FLT1: variants seen among roughly 807,000 people sequenced by gnomAD.
FLT1 encodes the protein fms related receptor tyrosine kinase 1.
A neutral mutation model predicts 156.3 loss-of-function variants in FLT1; 49 were observed. That is an observed-to-expected ratio of 0.31 (90% CI 0.25 to 0.40). FLT1 has a LOEUF of 0.40. Among genes scored for constraint, FLT1 ranks in the 10% least tolerant of loss-of-function variants. The pLI, the probability that FLT1 is intolerant of heterozygous loss-of-function variation, is 1.00. For synonymous variants in FLT1, 594 were observed against 583.8 expected (o/e 1.02, Z -0.25); for missense variants, 1,322 against 1,637.2 (o/e 0.81, Z 3.32).
chr13:28,492,326 G>A (rs1246317182), intron 1 of FLT1, among the ~76,000 whole-genome samples: 3 of 152,176 alleles, frequency 2.0e-5, no homozygotes, highest in Admixed American at 1.3e-4. Context: ...AAAAAGGTCT[G>A]TAGCTTTCAT....
intron 13 of FLT1, chr13:28,389,391 T>C (rs750040667): frequency 4.7e-6 from 6 of 1,267,064 alleles, no homozygotes; most frequent in Admixed American, 3.7e-5. Context: ...TAAAAAGAGG[T>C]TGGCATCAAA....
Position 28,325,261 on chromosome 13 carries a change from A to G in FLT1, c.2796+2201T>C, listed in dbSNP as rs539519003. ...TAGCTCTTCCTGAAGCCAGTCCAAA[A>G]TTTCAGTACTAAGGGGAATTTGTAC... is the stretch of plus-strand genomic sequence containing the variant. On this transcript the variant is annotated intron_variant, in intron 20 of 29. Transcript: ENST00000282397. 2.0e-5 allele frequency among the ~76,000 whole-genome samples: 3 copies of G among 152,248 alleles called. No individual in the cohort carries two copies. In the Middle Eastern group the frequency reaches 0.01, roughly 518 times the overall value.
intron 14 of FLT1, among the ~76,000 whole-genome samples, chr13:28,362,664 G>A (rs561602292): frequency 3.3e-5 from 5 of 151,770 alleles, no homozygotes; most frequent in African/African-American, 1.2e-4. Flanking sequence ...ACTAAAACTT[G>A]GAAAAAACAA....
Position 28,447,053 on chromosome 13 carries a change from T to C in FLT1, c.389-8708A>G, listed in dbSNP as rs573144104. Among the ~76,000 whole-genome samples, 285 of 152,044 alleles carry C rather than the reference T, an allele frequency of 1.9e-3. 1 individual carries two copies. Among genetic ancestry groups the C allele is most frequent in the African/African-American group, 6.5e-3 (269 of 41,478 alleles). On this transcript the variant is annotated intron_variant, in intron 3 of 29. Coordinates refer to ENST00000282397, the MANE Select transcript of FLT1 (RefSeq NM_002019.4). ...GAATAATCTTTTCAACAAATGGTGC[T>C]GGAACAGCTCCACATGCAAAAGAAT...
intron 1 of FLT1, among the ~76,000 whole-genome samples, chr13:28,494,095 C>T (rs1373045180): frequency 6.6e-6 from 1 of 152,200 alleles, no homozygotes; most frequent in African/African-American, 2.4e-5. Flanking sequence ...ACTGGGGCCC[C>T]GCGGTCCGAG....
chr13:28,457,177 T>TACACACAC (rs140180276), intron 3 of FLT1, among the ~76,000 whole-genome samples: 11 of 150,844 alleles, frequency 7.3e-5, no homozygotes, highest in African/African-American at 2.7e-4. Context: ...AAAAAAATCA[T>TACACACAC]ACACACACAC....
At chr13:28,461,967 G>A (rs1879602317) in intron 3 of FLT1, among the ~76,000 whole-genome samples, 1 of 152,176 alleles carries the variant, frequency 6.6e-6, no homozygotes, top group Non-Finnish European at 1.5e-5. Flanking sequence ...CAAGTAAAGA[G>A]AAACAGAAGA....
chr13:28,452,534 C>A (rs1297567293), intron 3 of FLT1, among the ~76,000 whole-genome samples: 1 of 152,106 alleles, frequency 6.6e-6, no homozygotes, highest in Non-Finnish European at 1.5e-5. Context: ...TTCCTAGATG[C>A]GTGGGGACTA....
At chr13:28,480,456 GTGT>G (rs1204686241) in intron 1 of FLT1, among the ~76,000 whole-genome samples, 1 of 152,156 alleles carries the variant, frequency 6.6e-6, no homozygotes, top group Non-Finnish European at 1.5e-5. Context: ...TTATATTTGT[GTGT>G]TATCATGGGG....
intron 14 of FLT1, among the ~76,000 whole-genome samples, chr13:28,379,102 G>A (rs1425731428): frequency 6.6e-6 from 1 of 152,168 alleles, no homozygotes; most frequent in African/African-American, 2.4e-5. Flanking sequence ...CAGCACTTTG[G>A]GAGGCTGAGG....
rs1871487467 is a variant in FLT1, at chr13:28,322,167, C to G, written c.3051+95G>C. The G allele has an allele frequency of 1.2e-6, 1 of 826,966 alleles. No individual in the cohort carries two copies. Among genetic ancestry groups the G allele is most frequent in the Non-Finnish European group, 2.1e-6 (1 of 472,752 alleles). 51.2% of individuals were successfully genotyped at this position (826,966 alleles called of 1,614,324 possible). A position where few individuals can be genotyped will look rare whatever the true frequency, so the allele number is the denominator to read the frequency against. ...GTGGTGTTTGTTCTACATTTAAGAA[C>G]ATAGGTATCAGCAAATACTAGGAAA... On this transcript the variant is annotated intron_variant, in intron 22 of 29. Transcript: ENST00000282397. The surrounding 1 kb of genome is among the most constrained non-coding windows in gnomAD (Gnocchi z 4.3).
chr13:28,440,044 A>G (rs751816458), intron 3 of FLT1, among the ~76,000 whole-genome samples: 2 of 152,066 alleles, frequency 1.3e-5, no homozygotes, highest in African/African-American at 2.4e-5. Flanking sequence ...CCTGGCACCT[A>G]TATGTTAATT....
intron 20 of FLT1, among the ~76,000 whole-genome samples, chr13:28,325,993 A>G (rs1871664218): frequency 6.6e-6 from 1 of 152,070 alleles, no homozygotes; most frequent in African/African-American, 2.4e-5. Context: ...TTGTGTGTGA[A>G]GATTCTTGCC....
In FLT1 at chr13:28,357,701, T is replaced by G. The variant is rs748466179; in HGVS notation, c.2117-16A>C. ...AAAATAATTCCTGAGGGGTGAGAGA[T>G]GTTTAGATTAGTGGGCCTGGATGAC... is the stretch of plus-strand genomic sequence containing the variant. On this transcript the variant is annotated splice_polypyrimidine_tract_variant and intron_variant, in intron 14 of 29. Transcript: ENST00000282397. 6.2e-7 allele frequency: 1 copy of G among 1,611,768 alleles called. No individual in the cohort carries two copies. Among genetic ancestry groups the G allele is most frequent in the Non-Finnish European group, 8.5e-7 (1 of 1,178,216 alleles).
At chr13:28,357,414 G>C (rs1872936659) in intron 15 of FLT1, 140 bp downstream of exon 15, 1 of 852,100 alleles carries the variant, frequency 1.2e-6, no homozygotes, top group Admixed American at 1.8e-5. Flanking sequence ...CCTTCCCGGA[G>C]TGGCAGGGAG....
At chr13:28,331,823 T>C (rs1871942628) in intron 18 of FLT1, among the ~76,000 whole-genome samples, 2 of 151,734 alleles carry the variant, frequency 1.3e-5, no homozygotes, top group Admixed American at 1.3e-4. Context: ...GAGTGGATGA[T>C]TTGGCAGTCT....
At chr13:28,493,027 TC>T in intron 1 of FLT1, among the ~76,000 whole-genome samples, 1 of 152,082 alleles carries the variant, frequency 6.6e-6, no homozygotes, top group East Asian at 1.9e-4. Context: ...CACAAGAGGA[TC>T]CCACTCACAT....
intron 3 of FLT1, among the ~76,000 whole-genome samples, chr13:28,449,165 C>A (rs897450603): frequency 6.6e-6 from 1 of 152,124 alleles, no homozygotes; most frequent in Non-Finnish European, 1.5e-5. Context: ...CACCTATAGT[C>A]CCAGCTACTC....
intron 10 of FLT1, among the ~76,000 whole-genome samples, chr13:28,419,661 C>T (rs1457355989): frequency 3.9e-5 from 6 of 152,156 alleles, no homozygotes; most frequent in African/African-American, 7.2e-5. Context: ...GGATGGATCA[C>T]GAGGTCAGGG....
Sources: allele counts gnomAD v4.1 joint callset (sites outside exome capture counted in the v4.1 genomes callset), GRCh38; gene constraint gnomAD v4.1.1; non-coding constraint Gnocchi (gnomAD v3.1); transcripts MANE v1.5; gene names NCBI Gene and HGNC (gene_info 2026-07-23, HGNC 2026-07-21).